Variants in PCSK1 observed in about 807,000 individuals in gnomAD.
The protein encoded by PCSK1 is proprotein convertase subtilisin/kexin type 1, also known as neuroendocrine convertase 1.
PCSK1 carries 56 observed loss-of-function variants against 90.6 expected under a neutral mutation model. That is an observed-to-expected ratio of 0.62 (90% CI 0.50 to 0.77). The LOEUF (loss-of-function observed/expected upper bound fraction) is 0.77, where lower values mean the gene tolerates loss of function less well. PCSK1 is among the 30% of genes least tolerant of loss of function. The pLI is 0.00. For missense variants in PCSK1, 801 were observed against 932.6 expected (o/e 0.86, Z 1.84); for synonymous variants, 348 against 342.4 (o/e 1.02, Z -0.18).
Position 96,421,970 on chromosome 5 carries a change from A to G in PCSK1, c.544-14T>C. 1 of 1,255,396 alleles carries G rather than the reference A, an allele frequency of 8.0e-7. No individual in the cohort carries two copies. Among genetic ancestry groups the G allele is most frequent in the Non-Finnish European group, 1.2e-6 (1 of 855,004 alleles). The allele number at this position is 1,255,396 out of a possible 1,614,324, so 77.8% of individuals were successfully genotyped here. A position where few individuals can be genotyped will look rare whatever the true frequency, so the allele number is the denominator to read the frequency against. On this transcript the variant is annotated splice_polypyrimidine_tract_variant and intron_variant, in intron 4 of 13. Transcript: ENST00000311106. Reference sequence around the variant, plus strand: ...AGCCTCTGGATCCTAAAGAGACAACAAAATATAACACTGTGGCAGCATTAA... The same window carrying G: ...AGCCTCTGGATCCTAAAGAGACAACGAAATATAACACTGTGGCAGCATTAA...
intron 9 of PCSK1, among the ~76,000 whole-genome samples, chr5:96,401,807 C>T (rs1435927932): frequency 6.6e-6 from 1 of 152,144 alleles, no homozygotes; most frequent in Non-Finnish European, 1.5e-5. Context: ...CCATCTTGTT[C>T]TCTGATGTGT....
rs1246742230 is a variant in PCSK1 at position 96,425,924 on chromosome 5, A to G, written c.292T>C (p.Trp98Arg). 8 of 1,598,026 alleles carry G rather than the reference A, an allele frequency of 5.0e-6. No individual in the cohort carries two copies. The highest frequency in any genetic ancestry group is 6.9e-6 in the Non-Finnish European group (8 of 1,165,984). ...KRLSDDDRVI[W>R]AEQQYEKERS... ...TCTTTTTCATACTGTTGTTCAGCCC[A>G]TATCACCTACAAGGATTTTTATAGC... is the stretch of plus-strand genomic sequence containing the variant. The change falls in exon 3 of 14, where the codon TGG (tryptophan) becomes CGG (arginine). Residue 98 changes from tryptophan (W) to arginine (R), a missense_variant. Trp to Arg is a moderately radical substitution (Grantham distance 101). Transcript: ENST00000311106.
chr5:96,417,067 C>T (rs1760959110), intron 5 of PCSK1, among the ~76,000 whole-genome samples: 2 of 152,168 alleles, frequency 1.3e-5, no homozygotes, highest in African/African-American at 2.4e-5. Context: ...GATATACCAA[C>T]ATAGAGTGAA....
At chr5:96,411,657 A>G (rs1423008661) in intron 7 of PCSK1, among the ~76,000 whole-genome samples, 1 of 152,228 alleles carries the variant, frequency 6.6e-6, no homozygotes, top group East Asian at 1.9e-4. Flanking sequence ...GCTTGGAAGA[A>G]GACTGAGTAG....
intron 8 of PCSK1, among the ~76,000 whole-genome samples, chr5:96,410,008 C>T (rs972848170): frequency 3.9e-5 from 6 of 152,202 alleles, no homozygotes; most frequent in African/African-American, 1.4e-4. Flanking sequence ...CCTGCTATTT[C>T]ACTGAGATAG....
rs1217243060 is a variant in PCSK1 at position 96,407,532 on chromosome 5, T to C, written c.1196+691A>G. Reference sequence around the variant, plus strand: ...GGTATAGTCATTCAAGGCAGCATCTTGTCAATATATATAAAAATCATTAAA... The same window carrying C: ...GGTATAGTCATTCAAGGCAGCATCTCGTCAATATATATAAAAATCATTAAA... On this transcript the variant is annotated intron_variant, in intron 9 of 13. Transcript: ENST00000311106. Among the ~76,000 whole-genome samples, 8 of 152,212 alleles carry C rather than the reference T, an allele frequency of 5.3e-5. No individual in the cohort carries two copies. The East Asian group carries it at 1.3e-3, about 26-fold the overall frequency.
At chr5:96,413,182 A>G (rs1760828035) in intron 6 of PCSK1, among the ~76,000 whole-genome samples, 1 of 152,198 alleles carries the variant, frequency 6.6e-6, no homozygotes, top group Non-Finnish European at 1.5e-5. Context: ...TATTCTTCTA[A>G]ATAATCTCAA....
chr5:96,417,208 G>T (rs1359982151), intron 5 of PCSK1, among the ~76,000 whole-genome samples: 1 of 152,160 alleles, frequency 6.6e-6, no homozygotes, highest in African/African-American at 2.4e-5. Flanking sequence ...AAGAAGAATT[G>T]TTCAACTTCT....
At chr5:96,415,699 T>C (rs1477788960) in intron 6 of PCSK1, among the ~76,000 whole-genome samples, 1 of 152,194 alleles carries the variant, frequency 6.6e-6, no homozygotes, top group Non-Finnish European at 1.5e-5. Flanking sequence ...TTTGCCTAAA[T>C]TTACCTCCTC....
At chr5:96,409,665 C>A (rs989324648) in intron 8 of PCSK1, among the ~76,000 whole-genome samples, 2 of 152,308 alleles carry the variant, frequency 1.3e-5, no homozygotes, top group South Asian at 4.1e-4. Context: ...GCTCTGGACA[C>A]CCAGGGAAAT....
intron 4 of PCSK1, 36 bp from the exon 5 acceptor site, chr5:96,421,992 TTA>T (rs1761144798): frequency 5.1e-6 from 2 of 388,364 alleles, no homozygotes; most frequent in East Asian, 5.1e-5. Context: ...TGTGGCAGCA[TTA>T]AAAAAAAAAA....
At position 96,420,138 on chromosome 5, in the gene PCSK1, A is replaced by T. The variant is rs145802025; in HGVS notation, c.620+1742T>A. Among the ~76,000 whole-genome samples the T allele has an allele frequency of 3.5e-4, 53 of 152,342 alleles. No homozygotes were observed. In the East Asian group the frequency reaches 8.5e-3, roughly 24 times the overall value. Reference sequence around the variant, plus strand: ...AGAAGGCTTATTATTCCAAGTGCTTATTAGCCATTTCCTCAGGAAGTTCAT... The same window carrying T: ...AGAAGGCTTATTATTCCAAGTGCTTTTTAGCCATTTCCTCAGGAAGTTCAT... On this transcript the variant is annotated intron_variant, in intron 5 of 13. Transcript: ENST00000311106.
At chr5:96,397,500 C>T in intron 11 of PCSK1, 31 bp from the exon 12 acceptor site, 1 of 1,596,784 alleles carries the variant, frequency 6.3e-7, no homozygotes, top group Non-Finnish European at 8.6e-7. Flanking sequence ...AATGAATGTC[C>T]TAATAGCTCT....
chr5:96,393,402 A>G (rs1455097131), intron 13 of PCSK1, 24 bp from the exon 14 acceptor site: 1 of 1,612,856 alleles, frequency 6.2e-7, no homozygotes, highest in South Asian at 1.1e-5. Flanking sequence ...TGCCATCCAC[A>G]AAGGGAAGAA....
intron 12 of PCSK1, among the ~76,000 whole-genome samples, chr5:96,396,992 G>T (rs1018316163): frequency 1.3e-5 from 2 of 152,216 alleles, no homozygotes; most frequent in Non-Finnish European, 2.9e-5. Context: ...GTTGGTCTGA[G>T]CATTTAAGTA....
At chr5:96,414,275 C>G (rs1371920312) in intron 6 of PCSK1, among the ~76,000 whole-genome samples, 1 of 152,146 alleles carries the variant, frequency 6.6e-6, no homozygotes, top group Non-Finnish European at 1.5e-5. Context: ...TCATGATAGT[C>G]TATATGCAGC....
chr5:96,412,735 G>A (rs185616483), intron 6 of PCSK1, among the ~76,000 whole-genome samples: 1 of 129,708 alleles, frequency 7.7e-6, no homozygotes, highest in Non-Finnish European at 1.5e-5. Context: ...ACCATGCACT[G>A]TGTAGGCAGC....
At chr5:96,428,707 A>T (rs1452921483) in intron 2 of PCSK1, among the ~76,000 whole-genome samples, 1 of 152,222 alleles carries the variant, frequency 6.6e-6, no homozygotes, top group Non-Finnish European at 1.5e-5. Flanking sequence ...CTAGCTCCTT[A>T]TACAGCAAAA....
At position 96,420,927 on chromosome 5, in the gene PCSK1, T is replaced by C. The variant is rs558096776; in HGVS notation, c.620+953A>G. Among the ~76,000 whole-genome samples the C allele has an allele frequency of 2.6e-5, 4 of 152,340 alleles. No homozygotes were observed. In the East Asian group the frequency reaches 5.8e-4, roughly 22 times the overall value. ...CAAGAGCTGTTAGATGCTTGGCTTTTTCCATCCTCACTTGTAGCAACAAGC... is the reference window on the plus strand; with the variant it reads ...CAAGAGCTGTTAGATGCTTGGCTTTCTCCATCCTCACTTGTAGCAACAAGC... On this transcript the variant is annotated intron_variant, in intron 5 of 13. Transcript: ENST00000311106.
Sources: gnomAD v4.1 joint callset for allele counts (sites outside exome capture counted in the v4.1 genomes callset) on GRCh38, gnomAD v4.1.1 for gene constraint, MANE v1.5 for transcripts, NCBI Gene and HGNC (gene_info 2026-07-23, HGNC 2026-07-21) for gene names.